The following ACTR10 variants were observed in gnomAD, a reference collection of about 807,000 sequenced individuals.
The protein encoded by ACTR10 is actin related protein 10, also known as actin-related protein 10.
Under a neutral mutation model 56.2 loss-of-function variants are expected in ACTR10, and 43 were observed. That is an observed-to-expected ratio of 0.77 (90% CI 0.60 to 0.99). The LOEUF is 0.99. Among genes scored for constraint, ACTR10 ranks in the 50% least tolerant of loss-of-function variants. ACTR10 has a pLI of 0.00. For missense variants in ACTR10, 466 were observed against 507.8 expected, an observed-to-expected ratio of 0.92 and a Z score of 0.79; for synonymous variants, 170 against 176.3, an observed-to-expected ratio of 0.96 and a Z score of 0.28.
intron 6 of ACTR10, among the ~76,000 whole-genome samples, chr14:58,214,318 C>T (rs1317059436): frequency 6.6e-6 from 1 of 152,042 alleles, no homozygotes; most frequent in Non-Finnish European, 1.5e-5. Flanking sequence ...ATCTCCAGTT[C>T]CATCAATGTT....
chr14:58,201,472 C>T (rs1455143187), intron 1 of ACTR10, among the ~76,000 whole-genome samples: 1 of 152,122 alleles, frequency 6.6e-6, no homozygotes, highest in Non-Finnish European at 1.5e-5. Context: ...GGCTTGCATT[C>T]TGAGATGTTT....
At chr14:58,233,453 T>C (rs1401005851) in intron 12 of ACTR10, among the ~76,000 whole-genome samples, 5 of 152,294 alleles carry the variant, frequency 3.3e-5, no homozygotes, top group Non-Finnish European at 7.3e-5. Flanking sequence ...ACAAACCATG[T>C]AGCCTAGAAA....
chr14:58,204,910 G>A (rs1027487238), intron 2 of ACTR10, among the ~76,000 whole-genome samples: 4 of 151,788 alleles, frequency 2.6e-5, no homozygotes, highest in African/African-American at 4.8e-5. Flanking sequence ...TTTAGCAATC[G>A]CATATAAGCA....
At chr14:58,209,839 T>G (rs1888952376) in intron 4 of ACTR10, among the ~76,000 whole-genome samples, 2 of 152,166 alleles carry the variant, frequency 1.3e-5, no homozygotes, top group South Asian at 4.1e-4. Flanking sequence ...AATAAGAAAT[T>G]AAGCACATAT....
At chr14:58,208,588 T>G (rs1888921553) in intron 3 of ACTR10, among the ~76,000 whole-genome samples, 1 of 151,990 alleles carries the variant, frequency 6.6e-6, no homozygotes, top group Non-Finnish European at 1.5e-5. Flanking sequence ...GTGCTGTGGC[T>G]CACATCTGTA....
At chr14:58,209,325 A>G (rs1438338151) in intron 4 of ACTR10, 4 of 277,292 alleles carry the variant, frequency 1.4e-5, no homozygotes, top group African/African-American at 8.8e-5. Flanking sequence ...CTGGCCATTT[A>G]TTTTCTTCCT....
intron 1 of ACTR10, among the ~76,000 whole-genome samples, 179 bp downstream of exon 1, chr14:58,200,473 G>A (rs1195502192): frequency 6.6e-6 from 1 of 152,198 alleles, no homozygotes. Flanking sequence ...ATGCGAATCC[G>A]AGGATCGGGG....
intron 1 of ACTR10, 64 bp downstream of exon 1, chr14:58,200,358 A>T: frequency 7.4e-7 from 1 of 1,346,082 alleles, no homozygotes; most frequent in Non-Finnish European, 9.8e-7. Context: ...AGCCCCAGGC[A>T]CTGCCTGGGT....
chr14:58,215,180 A>G, intron 6 of ACTR10, 25 bp from the exon 7 acceptor site: 1 of 1,402,430 alleles, frequency 7.1e-7, no homozygotes, highest in Non-Finnish European at 9.9e-7. Context: ...TTTTCATTCC[A>G]GTAACTTTTT....
chr14:58,218,810 A>G (rs977515647), intron 7 of ACTR10, among the ~76,000 whole-genome samples: 5 of 152,236 alleles, frequency 3.3e-5, no homozygotes, highest in East Asian at 1.9e-4. Flanking sequence ...ATATTTTACA[A>G]TGGGTTAAAA....
At chr14:58,206,505 A>G (rs564730687) in intron 2 of ACTR10, among the ~76,000 whole-genome samples, 1 of 152,334 alleles carries the variant, frequency 6.6e-6, no homozygotes, top group South Asian at 2.1e-4. Context: ...TCATTTGAAA[A>G]GACAGATACC....
rs762069720 is a variant in ACTR10 at position 58,230,485 on chromosome 14, T to G, written c.870+5T>G. ...ATATTGGATTCCCTTATACAGGTAT[T>G]TTATCTTGTCAAAAAATTCCCTTTA... On this transcript the variant is annotated splice_donor_5th_base_variant and intron_variant, in intron 11 of 12. Coordinates refer to ENST00000254286, the MANE Select transcript of ACTR10 (RefSeq NM_018477.3). 1 of 1,473,182 alleles carries G rather than the reference T, an allele frequency of 6.8e-7. No individual in the cohort carries two copies. The highest frequency in any genetic ancestry group is 2.4e-5 in the Admixed American group (1 of 41,404). 91.3% of individuals were successfully genotyped at this position (1,473,182 alleles called of 1,614,324 possible).
chr14:58,220,006 A>AC (rs1243527068), intron 8 of ACTR10, among the ~76,000 whole-genome samples: 3 of 152,184 alleles, frequency 2.0e-5, no homozygotes, highest in African/African-American at 7.2e-5. Context: ...GTGTGAAAGA[A>AC]CAGTTAAATT....
chr14:58,203,842 A>G (rs905771269), intron 2 of ACTR10, among the ~76,000 whole-genome samples: 1 of 152,188 alleles, frequency 6.6e-6, no homozygotes, highest in African/African-American at 2.4e-5. Context: ...AAAAAATGAG[A>G]TGTAGCTGTT....
At chr14:58,213,833 T>A (rs1889062126) in intron 6 of ACTR10, 135 bp downstream of exon 6, 1 of 599,976 alleles carries the variant, frequency 1.7e-6, no homozygotes, top group Non-Finnish European at 2.8e-6. Context: ...CTCTATTAGC[T>A]TCGAGTATAT....
At chr14:58,209,325 AT>A (rs773561386) in intron 4 of ACTR10, 6 of 277,292 alleles carry the variant, frequency 2.2e-5, no homozygotes, top group Non-Finnish European at 4.0e-5. Flanking sequence ...CTGGCCATTT[AT>A]TTTCTTCCTT....
At chr14:58,229,645 T>G (rs1889483830) in intron 10 of ACTR10, among the ~76,000 whole-genome samples, 2 of 143,212 alleles carry the variant, frequency 1.4e-5, no homozygotes, top group South Asian at 4.3e-4. Context: ...GCCACTGCAC[T>G]CCAGCCGGGG....
Position 58,235,387 on chromosome 14 carries a change from C to G in ACTR10, c.*836C>G, listed in dbSNP as rs935703088. 3 of 151,736 alleles carry G rather than the reference C, an allele frequency of 2.0e-5. No individual in the cohort carries two copies. Among genetic ancestry groups the G allele is most frequent in the African/African-American group, 7.3e-5 (3 of 41,278 alleles). The allele number at this position is 151,736 out of a possible 1,614,324, so 9.4% of individuals were successfully genotyped here. A position where few individuals can be genotyped will look rare whatever the true frequency, so the allele number is the denominator to read the frequency against. ...GTAACATAGTCAAGCATTTGTTAAG[C>G]CAAGTGTGGAAATGTTCACTTTTTA... On this transcript the variant is annotated 3_prime_UTR_variant, in exon 13 of 13. Coordinates refer to ENST00000254286, the MANE Select transcript of ACTR10 (RefSeq NM_018477.3).
At chr14:58,213,582 A>C (rs1269634663) in intron 5 of ACTR10, 49 bp from the exon 6 acceptor site, 3 of 1,350,174 alleles carry the variant, frequency 2.2e-6, no homozygotes, top group Non-Finnish European at 2.0e-6. Flanking sequence ...AATATCAAGG[A>C]AACCACATTT....
Sources: allele counts gnomAD v4.1 joint callset (sites outside exome capture counted in the v4.1 genomes callset), GRCh38; gene constraint gnomAD v4.1.1; transcripts MANE v1.5; gene names NCBI Gene and HGNC (gene_info 2026-07-23, HGNC 2026-07-21).